The following RGL1 variants were observed in gnomAD, a reference collection of about 807,000 sequenced individuals.
RGL1 encodes the protein ral guanine nucleotide dissociation stimulator-like 1.
In RGL1, 24 loss-of-function variants were observed where a neutral mutation model predicts 95.2. The observed-to-expected ratio is 0.25, with a 90% CI of 0.18 to 0.35. RGL1 has a LOEUF of 0.35. Among genes scored for constraint, RGL1 ranks in the 10% least tolerant of loss-of-function variants. RGL1 has a pLI of 1.00. For synonymous variants in RGL1, 329 were observed against 344.9 expected, an observed-to-expected ratio of 0.95 and a Z score of 0.51; for missense variants, 715 against 936.3, an observed-to-expected ratio of 0.76 and a Z score of 3.08.
intron 1 of RGL1, among the ~76,000 whole-genome samples, chr1:183,645,692 G>C (rs560479697): frequency 6.6e-6 from 1 of 152,312 alleles, no homozygotes; most frequent in African/African-American, 2.4e-5. Context: ...TGGAACTATT[G>C]CTTTGCTATA....
intron 2 of RGL1, among the ~76,000 whole-genome samples, chr1:183,790,853 G>A (rs1572415047): frequency 6.6e-6 from 1 of 151,878 alleles, no homozygotes; most frequent in Admixed American, 6.6e-5. Context: ...TGAAATGAAG[G>A]CCAGCCCACT....
intron 14 of RGL1, among the ~76,000 whole-genome samples, chr1:183,911,754 G>A (rs1264668984): frequency 6.6e-6 from 1 of 152,168 alleles, no homozygotes; most frequent in East Asian, 1.9e-4. Context: ...TCATTTTATG[G>A]TAGGAAGTGA....
At chr1:183,920,978 TG>T (rs1669280197) in intron 16 of RGL1, among the ~76,000 whole-genome samples, 1 of 152,176 alleles carries the variant, frequency 6.6e-6, no homozygotes, top group African/African-American at 2.4e-5. Flanking sequence ...AGGGGGGTCG[TG>T]GGGGGCTTTC....
chr1:183,850,284 T>C lies in RGL1; in HGVS notation c.347+2510T>C, dbSNP rs114227155. Among the ~76,000 whole-genome samples the C allele has an allele frequency of 5.5e-3, 833 of 151,614 alleles. 8 individuals are homozygous for C. The highest frequency in any genetic ancestry group is 0.016 in the South Asian group (78 of 4,796). Reference sequence around the variant, plus strand: ...ATATTAAGGGAATTAGTTTGTTGCTTATCATATGTTAGAAATATTTTCCTA... The same window carrying C: ...ATATTAAGGGAATTAGTTTGTTGCTCATCATATGTTAGAAATATTTTCCTA... On this transcript the variant is annotated intron_variant, in intron 3 of 17. Transcript: ENST00000360851.
chr1:183,649,022 C>T (rs767748397), intron 1 of RGL1, among the ~76,000 whole-genome samples: 2 of 152,204 alleles, frequency 1.3e-5, no homozygotes, highest in Non-Finnish European at 2.9e-5. Flanking sequence ...TTCAACTTTA[C>T]CTGTTTCATA....
chr1:183,730,687 G>T (rs1656580128), intron 1 of RGL1, among the ~76,000 whole-genome samples: 1 of 152,144 alleles, frequency 6.6e-6, no homozygotes, highest in South Asian at 2.1e-4. Context: ...GTAGGAACTA[G>T]AGTAGAATCT....
chr1:183,648,395 T>G, intron 1 of RGL1: 2 of 1,614,200 alleles, frequency 1.2e-6, no homozygotes, highest in Non-Finnish European at 1.7e-6. Flanking sequence ...AGTGGTTAGC[T>G]TCATTACAAG....
chr1:183,879,729 T>C (rs1666716806), intron 4 of RGL1, among the ~76,000 whole-genome samples: 1 of 152,246 alleles, frequency 6.6e-6, no homozygotes, highest in South Asian at 2.1e-4. Flanking sequence ...AAAGTCTTCT[T>C]TGAAGATGAA....
Position 183,721,740 on chromosome 1 carries a change from A to G in RGL1, c.-32-20386A>G, listed in dbSNP as rs955649045. 2.0e-5 allele frequency among the ~76,000 whole-genome samples: 3 copies of G among 152,174 alleles called. No homozygotes were observed. The East Asian group carries it at 5.8e-4, about 29-fold the overall frequency. ...TTGGATACTGTTTTCTTAGCTTGGA[A>G]TGTGTTTTCCTCACTTCATTCAAAG... On this transcript the variant is annotated intron_variant, in intron 1 of 18. Coordinates refer to the RGL1 transcript ENST00000304685.
intron 2 of RGL1, among the ~76,000 whole-genome samples, chr1:183,798,878 CTTTTTTTTTTT>C (rs35765152): frequency 4.5e-5 from 4 of 88,182 alleles, no homozygotes; most frequent in African/African-American, 1.4e-4. Context: ...GCAGGATTTC[CTTTTTTTTTTT>C]TTTTTTTTTT....
chr1:183,882,093 C>T (rs1343619991), intron 5 of RGL1, among the ~76,000 whole-genome samples: 3 of 152,178 alleles, frequency 2.0e-5, no homozygotes, highest in Admixed American at 6.5e-5. Context: ...CTTGTTTTAC[C>T]CAATTTTACT....
At chr1:183,847,443 G>GATAA (rs1558245551) in intron 2 of RGL1, 123 bp from the exon 3 acceptor site, 4 of 858,554 alleles carry the variant, frequency 4.7e-6, no homozygotes, top group African/African-American at 1.7e-5. Context: ...TAACAAAAGG[G>GATAA]ATAAATAAAT....
At chr1:183,808,168 C>T (rs1486403101) in intron 2 of RGL1, among the ~76,000 whole-genome samples, 4 of 152,224 alleles carry the variant, frequency 2.6e-5, no homozygotes, top group East Asian at 1.9e-4. Flanking sequence ...CATCTACAAA[C>T]TGTCATGTAT....
intron 1 of RGL1, among the ~76,000 whole-genome samples, chr1:183,713,949 A>G (rs1655460767): frequency 6.6e-6 from 1 of 152,200 alleles, no homozygotes; most frequent in African/African-American, 2.4e-5. Flanking sequence ...AAAAAGGGCT[A>G]TAACCTCCTA....
At chr1:183,688,563 C>A (rs1653759030) in intron 1 of RGL1, among the ~76,000 whole-genome samples, 1 of 152,036 alleles carries the variant, frequency 6.6e-6, no homozygotes, top group Non-Finnish European at 1.5e-5. Context: ...GCCTCTGCAA[C>A]CATTTATTCT....
intron 5 of RGL1, among the ~76,000 whole-genome samples, chr1:183,882,867 T>A (rs1666902914): frequency 6.6e-6 from 1 of 152,190 alleles, no homozygotes; most frequent in Non-Finnish European, 1.5e-5. Flanking sequence ...ATAAGCATTC[T>A]GGGGGAGTAG....
intron 1 of RGL1, among the ~76,000 whole-genome samples, chr1:183,674,605 G>C (rs1482178657): frequency 6.6e-6 from 1 of 152,222 alleles, no homozygotes; most frequent in Non-Finnish European, 1.5e-5. Flanking sequence ...GCTCTGCTGA[G>C]ATCATTACTG....
intron 1 of RGL1, among the ~76,000 whole-genome samples, chr1:183,707,550 G>A (rs1035477024): frequency 6.6e-6 from 1 of 151,898 alleles, no homozygotes; most frequent in African/African-American, 2.4e-5. Flanking sequence ...GCCTGGAAGT[G>A]GTTCCTGCTG....
chr1:183,924,991 ATAACT>A (rs1289648456), intron 17 of RGL1, among the ~76,000 whole-genome samples: 6 of 151,906 alleles, frequency 3.9e-5, no homozygotes, highest in Non-Finnish European at 7.4e-5. Context: ...TAATAAATAA[ATAACT>A]TAAATAAATA....
Sources: allele counts gnomAD v4.1 joint callset (sites outside exome capture counted in the v4.1 genomes callset), GRCh38; gene constraint gnomAD v4.1.1; transcripts MANE v1.5; gene names NCBI Gene and HGNC (gene_info 2026-07-23, HGNC 2026-07-21).